SPTBN5: variants seen among roughly 807,000 people sequenced by gnomAD.
SPTBN5 encodes spectrin beta chain, non-erythrocytic 5.
Under a neutral mutation model 477.6 loss-of-function variants are expected in SPTBN5, and 513 were observed. The observed-to-expected ratio is 1.07, with a 90% CI of 1.00 to 1.16. SPTBN5 has a LOEUF of 1.16. Among genes scored for constraint, SPTBN5 ranks in the 50% most tolerant of loss-of-function variants. The pLI is 0.00. For synonymous variants in SPTBN5, 2,169 were observed against 2,011.7 expected (o/e 1.08, Z -2.09); for missense variants, 5,062 against 4,731.8 (o/e 1.07, Z -2.05).
At position 41,878,486 on chromosome 15, in the gene SPTBN5, TGC is replaced by T; in HGVS notation, c.3324_3325del (p.Gln1109ArgfsTer195). 1 of 1,613,432 alleles carries T rather than the reference TGC, an allele frequency of 6.2e-7. No homozygotes were observed. Among genetic ancestry groups the T allele is most frequent in the East Asian group, 2.2e-5 (1 of 44,874 alleles). On this transcript the variant is annotated frameshift_variant, in exon 17 of 68. Coordinates refer to ENST00000320955, the MANE Select transcript of SPTBN5 (RefSeq NM_016642.4). LOFTEE classifies it high-confidence loss of function. ...CCACAGTAGCAGTTGCTGGCTCTCTTGCAGGAAGCTCTGCCGGGCCTGAGTCT... is the reference window on the plus strand; with the variant it reads ...CCACAGTAGCAGTTGCTGGCTCTCTTAGGAAGCTCTGCCGGGCCTGAGTCT...
intron 53 of SPTBN5, among the ~76,000 whole-genome samples, 195 bp downstream of exon 53, chr15:41,856,191 G>A (rs2065925172): frequency 1.3e-5 from 2 of 152,256 alleles, no homozygotes; most frequent in Non-Finnish European, 2.9e-5. Flanking sequence ...CTGATCTAGA[G>A]GGAAAAAAGA....
Position 41,853,384 on chromosome 15 carries a change from C to A in SPTBN5, c.10044G>T (p.Gly3348=). Reference sequence around the variant, plus strand: ...CATGCTGCCCAAGGAGCTGCTCAGCCCCCGCCACGTCCTCAGCCAGCTCCT... The same window carrying A: ...CATGCTGCCCAAGGAGCTGCTCAGCACCCGCCACGTCCTCAGCCAGCTCCT... ...SSEELAEDVA[G]AEQLLGQHEE... Residue 3348 remains glycine (G), a synonymous_variant, in exon 59 of 68, where the codon GGG becomes GGT. Transcript: ENST00000320955. 1 of 1,609,620 alleles carries A rather than the reference C, an allele frequency of 6.2e-7. No individual in the cohort carries two copies. The highest frequency in any genetic ancestry group is 8.5e-7 in the Non-Finnish European group (1 of 1,177,300).
rs763675568 is a variant in SPTBN5 at position 41,867,095 on chromosome 15, A to G, written c.6344T>C (p.Leu2115Pro). The stretch of plus-strand genomic sequence containing the variant: ...CCGGTCCCGCACCCGGGGGCGCCGG[A>G]GCGTCTTCAGCCGCTCACGCAGGGC... ...EAALRERLKT[L>P]RRPRVRDRLP... The change falls in exon 36 of 68, where the codon CTC becomes CCC. Residue 2115 changes from leucine (L) to proline (P), a missense_variant. Leu to Pro is a moderately conservative substitution (Grantham distance 98). Coordinates refer to ENST00000320955, the MANE Select transcript of SPTBN5 (RefSeq NM_016642.4). The G allele has an allele frequency of 6.5e-7, 1 of 1,541,790 alleles. No individual in the cohort carries two copies. Among genetic ancestry groups the G allele is most frequent in the Admixed American group, 2.0e-5 (1 of 50,932 alleles).
rs752838876 is a variant in SPTBN5, at chr15:41,855,306, G to T, written c.9341C>A (p.Thr3114Asn). 3.7e-6 allele frequency: 6 copies of T among 1,611,098 alleles called. No individual in the cohort carries two copies. Among genetic ancestry groups the T allele is most frequent in the South Asian group, 3.3e-5 (3 of 91,058 alleles). ...GGTCAGCCAGGCGTCGAGGAGCAGG[G>T]TCTCTCGCTCCAGCTGGTGTAGCTG... Reference protein sequence around the residue: ...QLQLHQLERETLLLDAWLTTK... With the variant: ...QLQLHQLERENLLLDAWLTTK... The change falls in exon 55 of 68, where the codon ACC becomes AAC. Residue 3114 changes from threonine (T) to asparagine (N), a missense_variant. By Grantham distance (65) the Thr-to-Asn change is moderately conservative. Coordinates refer to ENST00000320955, the MANE Select transcript of SPTBN5 (RefSeq NM_016642.4).
chr15:41,856,962 C>T lies in SPTBN5; in HGVS notation c.8699G>A (p.Arg2900Lys). Residue 2900 changes from arginine (R) to lysine (K), a missense_variant, in exon 52 of 68, where the codon AGG (arginine) becomes AAG (lysine). Transcript: ENST00000320955. ...CCAGGCCATTTCCTCGTCGGCGTCCCTGAAGAACTTCAAGAGGAGGCTCCG... is the reference window on the plus strand; with the variant it reads ...CCAGGCCATTTCCTCGTCGGCGTCCTTGAAGAACTTCAAGAGGAGGCTCCG... Reference protein sequence around the residue: ...EARSLLLKFFRDADEEMAWVQ... With the variant: ...EARSLLLKFFKDADEEMAWVQ... 1 of 1,596,968 alleles carries T rather than the reference C, an allele frequency of 6.3e-7. No homozygotes were observed. Among genetic ancestry groups the T allele is most frequent in the East Asian group, 2.3e-5 (1 of 44,010 alleles).
rs746736367 is a variant in SPTBN5, at chr15:41,876,663, G to A, written c.3852-16C>T. ...CTCTCTGACCCTGGAGGGCGGGGGG[G>A]GGTTGGAGGAGGGCATGGGAGAGGA... On this transcript the variant is annotated splice_polypyrimidine_tract_variant and intron_variant, in intron 19 of 67. Coordinates refer to ENST00000320955, the MANE Select transcript of SPTBN5 (RefSeq NM_016642.4). The A allele has an allele frequency of 7.0e-7, 1 of 1,431,690 alleles. No individual in the cohort carries two copies. Among genetic ancestry groups the A allele is most frequent in the Non-Finnish European group, 9.7e-7 (1 of 1,029,188 alleles). The allele number at this position is 1,431,690 out of a possible 1,614,324, so 88.7% of individuals were successfully genotyped here.
In SPTBN5 at chr15:41,865,897, TCA is replaced by T. The variant is rs1354795953; in HGVS notation, c.6827_6828del (p.Val2276GlufsTer6). 1 of 1,578,278 alleles carries T rather than the reference TCA, an allele frequency of 6.3e-7. No individual in the cohort carries two copies. Among genetic ancestry groups the T allele is most frequent in the African/African-American group, 1.3e-5 (1 of 74,178 alleles). On this transcript the variant is annotated frameshift_variant, in exon 39 of 68. Coordinates refer to ENST00000320955, the MANE Select transcript of SPTBN5 (RefSeq NM_016642.4). LOFTEE classifies it high-confidence loss of function. ...LAEAWIQEKE[V>X]KMNVGDLGQD... ...TGGCCCAGGTCACCAACATTCATCT[TCA>T]CCTCCTGTGAAGGCCGAGGGTGGGG...
chr15:41,851,663 G>A, intron 63 of SPTBN5, 116 bp downstream of exon 63: 1 of 756,064 alleles, frequency 1.3e-6, no homozygotes. Flanking sequence ...CATGGTGGGG[G>A]GTGGCATCTG....
In SPTBN5 at chr15:41,852,777, G is replaced by GGGC. The variant is rs1567181365; in HGVS notation, c.10348-43_10348-42insGCC. 1.2e-6 allele frequency: 2 copies of GGGC among 1,610,648 alleles called. 1 individual carries two copies. The highest frequency in any genetic ancestry group is 1.7e-6 in the Non-Finnish European group (2 of 1,177,792). ...TCAGGTGACGCCCAGCTTGGGGGGG[G>GGGC]GGGCCCAGAGCCTGGTAGCCAGCTA... is the stretch of plus-strand genomic sequence containing the variant. On this transcript the variant is annotated intron_variant, in intron 60 of 67. Coordinates refer to ENST00000320955, the MANE Select transcript of SPTBN5 (RefSeq NM_016642.4).
intron 2 of SPTBN5, 56 bp from the exon 3 acceptor site, chr15:41,893,117 T>A: frequency 6.3e-7 from 1 of 1,589,070 alleles, no homozygotes; most frequent in Non-Finnish European, 8.5e-7. Context: ...TGTCCTCCCA[T>A]CCTGGGACCT....
In SPTBN5 at chr15:41,877,173, A is replaced by G. The variant is rs996259652; in HGVS notation, c.3654T>C (p.Asp1218=). The change falls in exon 18 of 68, where the codon GAT becomes GAC. Residue 1218 remains aspartate (D), a synonymous_variant. Coordinates refer to ENST00000320955, the MANE Select transcript of SPTBN5 (RefSeq NM_016642.4). ...LELQKFGREV[D]GFTATCANHQ... Reference sequence around the variant, plus strand: ...GGTTGGCACAGGTGGCAGTGAAACCATCCACTTCTCGGCCAAACTTCTGCA... The same window carrying G: ...GGTTGGCACAGGTGGCAGTGAAACCGTCCACTTCTCGGCCAAACTTCTGCA... 3.1e-6 allele frequency: 5 copies of G among 1,613,790 alleles called. No individual in the cohort carries two copies.
chr15:41,873,055 T>C (rs542160449), intron 26 of SPTBN5, among the ~76,000 whole-genome samples: 4 of 152,156 alleles, frequency 2.6e-5, no homozygotes, highest in Non-Finnish European at 5.9e-5. Context: ...CCTCCCTCCC[T>C]TCAGCCAGGG....
At position 41,858,678 on chromosome 15, in the gene SPTBN5, G is replaced by A. The variant is rs1304895368; in HGVS notation, c.8150C>T (p.Pro2717Leu). 8 of 1,610,700 alleles carry A rather than the reference G, an allele frequency of 5.0e-6. No homozygotes were observed. In the South Asian group the frequency reaches 5.5e-5, roughly 11 times the overall value. ...ATTCTGCTGCTTCTGTAACTGTGCTGGCAGCATGGCTGTGTCCAGCAAACC... is the reference window on the plus strand; with the variant it reads ...ATTCTGCTGCTTCTGTAACTGTGCTAGCAGCATGGCTGTGTCCAGCAAACC... Reference protein sequence around the residue: ...EEGLLDTAMLPAQLQKQQNFQ... With the variant: ...EEGLLDTAMLLAQLQKQQNFQ... Residue 2717 changes from proline (P) to leucine (L), a missense_variant, in exon 49 of 68, where the codon CCA (proline) becomes CTA (leucine). Pro to Leu is a moderately conservative substitution (Grantham distance 98, BLOSUM62 -3). Transcript: ENST00000320955.
chr15:41,883,305 C>A, intron 8 of SPTBN5, 43 bp downstream of exon 8: 1 of 1,608,798 alleles, frequency 6.2e-7, no homozygotes, highest in Non-Finnish European at 8.5e-7. Context: ...GGAAGTCCCC[C>A]ACCTTGCTGT....
intron 55 of SPTBN5, 114 bp from the exon 56 acceptor site, chr15:41,855,090 G>C: frequency 7.0e-7 from 1 of 1,429,688 alleles, no homozygotes; most frequent in South Asian, 1.4e-5. Context: ...CCAGGTTCTG[G>C]AACCATCGGG....
chr15:41,851,214 T>G (rs936530084), intron 64 of SPTBN5, 64 bp from the exon 65 acceptor site: 10 of 1,572,204 alleles, frequency 6.4e-6, no homozygotes, highest in African/African-American at 4.1e-5. Flanking sequence ...GGGGTCCCTC[T>G]GTCCTGGGGC....
intron 14 of SPTBN5, 96 bp downstream of exon 14, chr15:41,880,064 A>T: frequency 6.8e-7 from 1 of 1,462,676 alleles, no homozygotes. Context: ...TCCCCCAGGC[A>T]GGACGGTAGT....
chr15:41,881,054 T>G lies in SPTBN5; in HGVS notation c.2638A>C (p.Ser880Arg). 1 of 1,596,386 alleles carries G rather than the reference T, an allele frequency of 6.3e-7. No homozygotes were observed. ...GTTACCTGTGCCAGGGCCCGCAGAC[T>G]CTCATAGTCCTGACTCAAGTGGTCC... ...TQDHLSQDYE[S>R]LRALAQLRRA... is the part of the protein sequence containing the mutation. The change falls in exon 13 of 68, where the codon AGT becomes CGT. Residue 880 changes from serine to arginine, a missense_variant. By Grantham distance (110) the Ser-to-Arg change is moderately radical. Coordinates refer to ENST00000320955, the MANE Select transcript of SPTBN5 (RefSeq NM_016642.4).
intron 3 of SPTBN5, among the ~76,000 whole-genome samples, chr15:41,891,862 G>A (rs1049490452): frequency 1.3e-5 from 2 of 152,168 alleles, no homozygotes; most frequent in East Asian, 3.9e-4. Flanking sequence ...TGTGTATGGA[G>A]ACAAGGATGT....
Sources: gnomAD v4.1 joint callset for allele counts (sites outside exome capture counted in the v4.1 genomes callset) on GRCh38, gnomAD v4.1.1 for gene constraint, MANE v1.5 for transcripts, NCBI Gene and HGNC (gene_info 2026-07-23, HGNC 2026-07-21) for gene names.